Variants in KCNA3 observed in about 807,000 individuals in gnomAD.
The protein encoded by KCNA3 is potassium voltage-gated channel subfamily A member 3.
Under a neutral mutation model 34.3 loss-of-function variants are expected in KCNA3, and 18 were observed. The observed-to-expected ratio is 0.52, with a 90% CI of 0.36 to 0.78. KCNA3 has a LOEUF of 0.78. KCNA3 is among the 30% of genes least tolerant of loss of function. The pLI, the probability that KCNA3 is intolerant of heterozygous loss-of-function variation, is 0.00. For missense variants in KCNA3, 587 were observed against 802.5 expected (o/e 0.73, Z 3.24); for synonymous variants, 324 against 351.7 (o/e 0.92, Z 0.88).
the KCNA3 span, among the ~76,000 whole-genome samples, chr1:110,661,107 G>A: frequency 6.6e-6 from 1 of 152,144 alleles, no homozygotes; most frequent in African/African-American, 2.4e-5. Context: ...GTTTGAATAT[G>A]TGAATATCAT....
the KCNA3 span, among the ~76,000 whole-genome samples, chr1:110,657,634 G>A: frequency 6.6e-6 from 1 of 152,076 alleles, no homozygotes; most frequent in East Asian, 1.9e-4. Context: ...AAAAATCCAG[G>A]TTTTGTCTTT....
chr1:110,659,651 A>G, the KCNA3 span, among the ~76,000 whole-genome samples: 3 of 152,278 alleles, frequency 2.0e-5, no homozygotes, highest in African/African-American at 7.2e-5. Context: ...TATAGACTTT[A>G]TGTCAATAGA....
the KCNA3 span, among the ~76,000 whole-genome samples, chr1:110,658,768 C>A: frequency 1.3e-5 from 2 of 151,702 alleles, no homozygotes; most frequent in African/African-American, 4.8e-5. Flanking sequence ...ACCAAACATC[C>A]CATGAAAACA....
the KCNA3 span, chr1:110,656,444 C>T: frequency 6.6e-6 from 1 of 152,050 alleles, no homozygotes; most frequent in Non-Finnish European, 1.5e-5. Context: ...AGGGGAGCAA[C>T]ATGTACATAT....
downstream of KCNA3, among the ~76,000 whole-genome samples, chr1:110,669,441 TTAAA>T (rs1196120279): frequency 6.6e-6 from 1 of 152,224 alleles, no homozygotes; most frequent in African/African-American, 2.4e-5. Context: ...TTCATCTTAT[TTAAA>T]TAACTTATAT....
At chr1:110,669,697 G>A (rs1651817238), downstream of KCNA3, among the ~76,000 whole-genome samples, 1 of 152,194 alleles carries the variant, frequency 6.6e-6, no homozygotes, top group Non-Finnish European at 1.5e-5. Context: ...TGCTAGCTGT[G>A]AAGTCTTAGG....
the KCNA3 span, among the ~76,000 whole-genome samples, chr1:110,659,376 C>T: frequency 6.6e-6 from 1 of 152,100 alleles, no homozygotes; most frequent in Non-Finnish European, 1.5e-5. Context: ...GAAGCGAATC[C>T]TCCAACTTCA....
Position 110,673,726 on chromosome 1 carries a change from T to C in KCNA3, c.1084A>G (p.Ile362Val). The change falls in exon 1 of 1, where the codon ATC becomes GTC. Residue 362 changes from isoleucine (I) to valine (V), a missense_variant. Transcript: ENST00000369769. This position sits in a 1 kb window ranked among gnomAD's most constrained non-coding sequence, Gnocchi z 8.8. ...CTTACCAGGCGGATGACCCTCAGGA[T>C]GGCCAGAGACATGGCCTGCTGTCCA... ...GNGQQAMSLA[I>V]LRVIRLVRVF... The C allele has an allele frequency of 6.2e-7, 1 of 1,614,150 alleles. No homozygotes were observed. Among genetic ancestry groups the C allele is most frequent in the African/African-American group, 1.3e-5 (1 of 75,034 alleles).
At chr1:110,659,630 T>C in the KCNA3 span, among the ~76,000 whole-genome samples, 1 of 152,180 alleles carries the variant, frequency 6.6e-6, no homozygotes, top group African/African-American at 2.4e-5. Flanking sequence ...TATATTTAAC[T>C]TTTAAAAAAC....
chr1:110,674,365 A>G lies in KCNA3; in HGVS notation c.445T>C (p.Phe149Leu). 6.2e-7 allele frequency: 1 copy of G among 1,614,174 alleles called. No homozygotes were observed. The change falls in exon 1 of 1, where the codon TTC (phenylalanine) becomes CTC (leucine). Residue 149 changes from phenylalanine (F) to leucine (L), a missense_variant. Coordinates refer to ENST00000369769, the MANE Select transcript of KCNA3 (RefSeq NM_002232.5). This position sits in a 1 kb window ranked among gnomAD's most constrained non-coding sequence, Gnocchi z 6.4. ...YFDPLRNEYF[F>L]DRNRPSFDAI... Reference sequence around the variant, plus strand: ...TCGAAGCTGGGCCGGTTGCGGTCGAAGAAGTACTCGTTGCGGAGCGGGTCG... The same window carrying G: ...TCGAAGCTGGGCCGGTTGCGGTCGAGGAAGTACTCGTTGCGGAGCGGGTCG...
the KCNA3 span, among the ~76,000 whole-genome samples, chr1:110,657,690 T>G: frequency 1.8e-4 from 27 of 152,236 alleles, no homozygotes; most frequent in Admixed American, 1.6e-3. Context: ...TTAAATATAC[T>G]ATAATGCATA....
the KCNA3 span, among the ~76,000 whole-genome samples, chr1:110,658,612 T>G: frequency 6.6e-6 from 1 of 152,060 alleles, no homozygotes; most frequent in South Asian, 2.1e-4. Context: ...AACTTTTTTT[T>G]AATTGAAAAA....
Position 110,674,654 on chromosome 1 carries a change from G to C in KCNA3, c.156C>G (p.Asp52Glu), listed in dbSNP as rs1370216105. The C allele has an allele frequency of 7.2e-6, 11 of 1,527,874 alleles. No individual in the cohort carries two copies. The highest frequency in any genetic ancestry group is 9.6e-6 in the Non-Finnish European group (11 of 1,148,494). The allele number at this position is 1,527,874 out of a possible 1,614,324, so 94.6% of individuals were successfully genotyped here. ...EPAAGRELPP[D>E]MTVVPGDHLL... Reference sequence around the variant, plus strand: ...GGTGGTCCCCGGGCACCACGGTCATGTCGGGCGGCAGCTCGCGGCCTGCGG... The same window carrying C: ...GGTGGTCCCCGGGCACCACGGTCATCTCGGGCGGCAGCTCGCGGCCTGCGG... The change falls in exon 1 of 1, where the codon GAC (aspartate) becomes GAG (glutamate). Residue 52 changes from aspartate to glutamate, a missense_variant. Asp to Glu is a conservative substitution (Grantham distance 45, BLOSUM62 2). Around this residue, in one of 7 missense-constraint regions of KCNA3, gnomAD observed 341 missense variants for 355.4 expected, o/e 0.96. Transcript: ENST00000369769. This position sits in a 1 kb window ranked among gnomAD's most constrained non-coding sequence, Gnocchi z 6.4.
chr1:110,670,581 CA>C (rs1317557620), downstream of KCNA3, among the ~76,000 whole-genome samples: 1 of 152,050 alleles, frequency 6.6e-6, no homozygotes, highest in Admixed American at 6.5e-5. Flanking sequence ...AACATATTAT[CA>C]AAATGTGTCA....
downstream of KCNA3, among the ~76,000 whole-genome samples, chr1:110,669,253 T>C (rs76525015): frequency 0.027 from 4,130 of 152,302 alleles, 112 homozygotes; most frequent in South Asian, 0.15. Context: ...ATTTGCATAA[T>C]GCTATCATCT....
the KCNA3 span, among the ~76,000 whole-genome samples, chr1:110,660,912 A>G: frequency 6.6e-6 from 1 of 152,216 alleles, no homozygotes; most frequent in Non-Finnish European, 1.5e-5. Context: ...ATAAATCTCT[A>G]TCACCCTGGG....
the KCNA3 span, among the ~76,000 whole-genome samples, chr1:110,657,382 T>C: frequency 2.0e-5 from 3 of 152,102 alleles, no homozygotes; most frequent in Non-Finnish European, 4.4e-5. Flanking sequence ...ATGTGTATAA[T>C]GAGAATTTGG....
At chr1:110,670,595 A>G (rs1295932047), downstream of KCNA3, among the ~76,000 whole-genome samples, 1 of 152,182 alleles carries the variant, frequency 6.6e-6, no homozygotes, top group Non-Finnish European at 1.5e-5. Flanking sequence ...ATGTGTCATA[A>G]AAATAATTTC....
the KCNA3 span, among the ~76,000 whole-genome samples, chr1:110,658,363 A>G: frequency 6.6e-6 from 1 of 152,200 alleles, no homozygotes; most frequent in African/African-American, 2.4e-5. Flanking sequence ...TATTTAAATA[A>G]CAGAGGATTG....
Sources: allele counts gnomAD v4.1 joint callset (sites outside exome capture counted in the v4.1 genomes callset), GRCh38; gene constraint gnomAD v4.1.1; regional missense constraint gnomAD v4.1.1; non-coding constraint Gnocchi (gnomAD v3.1); transcripts MANE v1.5; gene names NCBI Gene and HGNC (gene_info 2026-07-23, HGNC 2026-07-21).